Variants in GRAMD2B observed in about 807,000 individuals in gnomAD.
GRAMD2B encodes the protein GRAM domain containing 2B, also known as GRAM domain-containing protein 2B.
In GRAMD2B, 41 loss-of-function variants were observed where a neutral mutation model predicts 59.2. The ratio of observed to expected loss-of-function variants is 0.69; its 90% confidence interval spans 0.54 to 0.90. The LOEUF (loss-of-function observed/expected upper bound fraction) is 0.90. Ranked by LOEUF, GRAMD2B falls within the 40% of genes least tolerant of loss-of-function variation. The pLI is 0.00. For missense variants in GRAMD2B, 424 were observed against 500.5 expected, an observed-to-expected ratio of 0.85 and a Z score of 1.46; for synonymous variants, 161 against 182.7, an observed-to-expected ratio of 0.88 and a Z score of 0.96.
At position 126,360,289 on chromosome 5, in the gene GRAMD2B, G is replaced by T. The variant is rs536131298; in HGVS notation, c.-43G>T. ...TGGTGTAAATACAAAGTTCCTTCCC[G>T]ACATTTCCCAGAGTTTCTTGAAGAT... On this transcript the variant is annotated 5_prime_UTR_variant, in exon 1 of 14. Transcript: ENST00000513040. 3.9e-6 allele frequency: 6 copies of T among 1,548,592 alleles called. No homozygotes were observed. In the South Asian group the frequency reaches 4.8e-5, roughly 12 times the overall value.
intron 1 of GRAMD2B, among the ~76,000 whole-genome samples, chr5:126,444,894 G>A (rs1242003737): frequency 6.6e-6 from 1 of 152,250 alleles, no homozygotes; most frequent in East Asian, 1.9e-4. Flanking sequence ...TCCCCTCCCT[G>A]TGTGCATGTG....
intron 1 of GRAMD2B, among the ~76,000 whole-genome samples, chr5:126,457,571 CAGTGAGCCA>C (rs1227584782): frequency 2.0e-5 from 3 of 151,586 alleles, no homozygotes; most frequent in Non-Finnish European, 2.9e-5. Flanking sequence ...GCGGAGGTTG[CAGTGAGCCA>C]AGATTGCACC....
intron 5 of GRAMD2B, among the ~76,000 whole-genome samples, chr5:126,473,594 CAT>C: frequency 6.6e-6 from 1 of 152,242 alleles, no homozygotes; most frequent in African/African-American, 2.4e-5. Flanking sequence ...TGTTTATACA[CAT>C]ATACCTCATA....
chr5:126,434,769 G>A (rs745314367), intron 1 of GRAMD2B, among the ~76,000 whole-genome samples: 21 of 152,088 alleles, frequency 1.4e-4, no homozygotes. Context: ...CACCCGCCTC[G>A]GCCTCCCAAA....
chr5:126,446,337 T>A (rs1439305868), intron 1 of GRAMD2B, among the ~76,000 whole-genome samples: 1 of 152,224 alleles, frequency 6.6e-6, no homozygotes, highest in Non-Finnish European at 1.5e-5. Context: ...GCCTTGTTTA[T>A]ACTATTCTAT....
intron 1 of GRAMD2B, among the ~76,000 whole-genome samples, chr5:126,461,105 G>A (rs1053174428): frequency 6.6e-6 from 1 of 152,146 alleles, no homozygotes; most frequent in Non-Finnish European, 1.5e-5. Context: ...CTGAACCACA[G>A]TGAAACACTT....
At chr5:126,382,390 A>G (rs1561463806) in intron 1 of GRAMD2B, among the ~76,000 whole-genome samples, 1 of 152,052 alleles carries the variant, frequency 6.6e-6, no homozygotes, top group Non-Finnish European at 1.5e-5. Context: ...CACTTTTTAA[A>G]TTCTTTTTTC....
At chr5:126,424,081 G>A (rs1020347049) in intron 1 of GRAMD2B, among the ~76,000 whole-genome samples, 1 of 152,154 alleles carries the variant, frequency 6.6e-6, no homozygotes, top group African/African-American at 2.4e-5. Context: ...ATAACGATGG[G>A]CAATACAAGG....
At chr5:126,407,371 C>A (rs1470746049) in intron 1 of GRAMD2B, among the ~76,000 whole-genome samples, 2 of 151,910 alleles carry the variant, frequency 1.3e-5, no homozygotes, top group Non-Finnish European at 2.9e-5. Flanking sequence ...CCTAAGCAAA[C>A]CAGGACAGTC....
chr5:126,397,549 T>C (rs912443279), intron 1 of GRAMD2B, among the ~76,000 whole-genome samples: 50 of 152,258 alleles, frequency 3.3e-4, no homozygotes, highest in African/African-American at 1.2e-3. Context: ...TTAAGTTCCT[T>C]CTATATATAT....
At chr5:126,457,623 T>A (rs1766559702) in intron 1 of GRAMD2B, among the ~76,000 whole-genome samples, 1 of 151,628 alleles carries the variant, frequency 6.6e-6, no homozygotes, top group South Asian at 2.1e-4. Flanking sequence ...ACAGCAAGAC[T>A]CTGTCTCGGG....
chr5:126,421,712 T>C (rs1759742722), upstream of GRAMD2B, among the ~76,000 whole-genome samples: 1 of 152,182 alleles, frequency 6.6e-6, no homozygotes, highest in African/African-American at 2.4e-5. Flanking sequence ...CCTAATGATA[T>C]ATATGTAAAA....
At chr5:126,408,193 CAT>C (rs1349857954) in intron 1 of GRAMD2B, among the ~76,000 whole-genome samples, 15 of 151,998 alleles carry the variant, frequency 9.9e-5, no homozygotes, top group Admixed American at 9.2e-4. Flanking sequence ...TAAGTGAAAA[CAT>C]GTGATATTTG....
intron 10 of GRAMD2B, 142 bp downstream of exon 10, chr5:126,484,666 C>T: frequency 1.3e-6 from 1 of 767,294 alleles, no homozygotes; most frequent in Non-Finnish European, 2.0e-6. Context: ...TCACTGCAAC[C>T]TCTGCCTCTT....
intron 5 of GRAMD2B, among the ~76,000 whole-genome samples, chr5:126,476,144 A>C (rs755461603): frequency 6.6e-5 from 10 of 152,160 alleles, no homozygotes; most frequent in Non-Finnish European, 1.3e-4. Flanking sequence ...GTGGTGGCGC[A>C]TGCCTGTAAT....
chr5:126,489,585 A>T (rs1174730427), intron 13 of GRAMD2B, among the ~76,000 whole-genome samples: 1 of 152,192 alleles, frequency 6.6e-6, no homozygotes, highest in Non-Finnish European at 1.5e-5. Flanking sequence ...CCACAGATGT[A>T]CCTTTACCTC....
intron 1 of GRAMD2B, among the ~76,000 whole-genome samples, chr5:126,374,481 G>A (rs529572192): frequency 3.3e-5 from 5 of 152,048 alleles, no homozygotes; most frequent in Non-Finnish European, 7.4e-5. Context: ...GTTATGTGTT[G>A]CAAGTATTTT....
intron 5 of GRAMD2B, among the ~76,000 whole-genome samples, chr5:126,475,716 G>C (rs1185121327): frequency 6.6e-6 from 1 of 152,204 alleles, no homozygotes; most frequent in Non-Finnish European, 1.5e-5. Context: ...CTGTAATCCA[G>C]CACTTTGGGA....
chr5:126,439,876 G>A (rs190524470), intron 1 of GRAMD2B, among the ~76,000 whole-genome samples: 26 of 152,170 alleles, frequency 1.7e-4, no homozygotes, highest in African/African-American at 5.5e-4. Context: ...AGTCTCATGA[G>A]AACTGATGGT....
Sources: allele counts gnomAD v4.1 joint callset (sites outside exome capture counted in the v4.1 genomes callset), GRCh38; gene constraint gnomAD v4.1.1; transcripts MANE v1.5; gene names NCBI Gene and HGNC (gene_info 2026-07-23, HGNC 2026-07-21).